The following NOL4 variants were observed in gnomAD, a reference collection of about 807,000 sequenced individuals.
NOL4 encodes nucleolar protein 4, also known as cancer/testis antigen 125.
A neutral mutation model predicts 75.9 loss-of-function variants in NOL4; 17 were observed. The observed-to-expected ratio is 0.22, with a 90% CI of 0.15 to 0.34. The LOEUF (loss-of-function observed/expected upper bound fraction) is 0.34, where lower values mean the gene tolerates loss of function less well. Ranked by LOEUF, NOL4 falls within the 10% of genes least tolerant of loss-of-function variation. The probability of loss-of-function intolerance (pLI) is 1.00; values close to 1 mark genes in which losing one functional copy is unlikely to be tolerated. For missense variants in NOL4, 614 were observed against 793.5 expected, an observed-to-expected ratio of 0.77 and a Z score of 2.72; for synonymous variants, 292 against 289.9, an observed-to-expected ratio of 1.01 and a Z score of -0.07.
chr18:34,177,780 TAAG>T (rs2146308723), intron 1 of NOL4, among the ~76,000 whole-genome samples: 1 of 151,878 alleles, frequency 6.6e-6, no homozygotes, highest in African/African-American at 2.4e-5. Flanking sequence ...TCTTCAAAAA[TAAG>T]GATAAATTAG....
intron 9 of NOL4, among the ~76,000 whole-genome samples, chr18:33,894,090 A>G (rs1279547871): frequency 6.6e-6 from 1 of 152,118 alleles, no homozygotes; most frequent in Non-Finnish European, 1.5e-5. Flanking sequence ...AATTTGTTTC[A>G]TATATAAACT....
chr18:33,887,050 AATATATATCTATATATAAT>A (rs1346458433), intron 9 of NOL4, among the ~76,000 whole-genome samples: 100 of 136,582 alleles, frequency 7.3e-4, no homozygotes, highest in African/African-American at 2.6e-3. Context: ...ATCTAGATCT[AATATATATCTATATATAAT>A]ATATATATCT....
intron 9 of NOL4, among the ~76,000 whole-genome samples, chr18:33,941,092 T>G (rs1435070187): frequency 6.6e-6 from 1 of 151,930 alleles, no homozygotes; most frequent in East Asian, 1.9e-4. Context: ...ATAACAAATA[T>G]ATCTTTAACA....
rs1325414560 is a variant in NOL4 at position 33,958,286 on chromosome 18, C to G, written c.1189G>C (p.Val397Leu). The change falls in exon 7 of 11, where the codon GTT (valine) becomes CTT (leucine). Residue 397 changes from valine (V) to leucine (L), a missense_variant. Transcript: ENST00000261592. ...GCTTCAACGCCGTCTGTCTCATTAACTTTCTCCGAATCGTCATGGTCCTCG... is the reference window on the plus strand; with the variant it reads ...GCTTCAACGCCGTCTGTCTCATTAAGTTTCTCCGAATCGTCATGGTCCTCG... ...DHEDHDDSEK[V>L]NETDGVEAER... 6.2e-7 allele frequency: 1 copy of G among 1,613,850 alleles called. No homozygotes were observed. Among genetic ancestry groups the G allele is most frequent in the South Asian group, 1.1e-5 (1 of 91,064 alleles).
intron 9 of NOL4, among the ~76,000 whole-genome samples, chr18:33,906,601 T>C (rs1304351578): frequency 3.3e-5 from 5 of 152,222 alleles, no homozygotes; most frequent in African/African-American, 1.2e-4. Context: ...GGGTGTTGTA[T>C]CTTCGGATAA....
At chr18:34,201,882 T>C (rs2035769213) in intron 1 of NOL4, among the ~76,000 whole-genome samples, 1 of 151,878 alleles carries the variant, frequency 6.6e-6, no homozygotes, top group South Asian at 2.1e-4. Context: ...CTGTTACTAA[T>C]GGTCTAGTCA....
At chr18:34,012,803 G>A (rs747414611) in intron 6 of NOL4, among the ~76,000 whole-genome samples, 18 of 151,978 alleles carry the variant, frequency 1.2e-4, no homozygotes, top group Non-Finnish European at 2.4e-4. Flanking sequence ...GCCATTGCAA[G>A]TATTTGCTAT....
intron 9 of NOL4, among the ~76,000 whole-genome samples, chr18:33,940,354 G>A (rs1273962626): frequency 1.3e-5 from 2 of 152,012 alleles, no homozygotes; most frequent in Admixed American, 6.6e-5. Context: ...TATACACCAT[G>A]GAATACTATG....
chr18:33,962,767 A>T (rs956091370), intron 6 of NOL4, among the ~76,000 whole-genome samples: 1 of 152,198 alleles, frequency 6.6e-6, no homozygotes, highest in African/African-American at 2.4e-5. Flanking sequence ...TTGAATGGCA[A>T]TGTGAAATAT....
chr18:33,957,301 G>A (rs748493578), intron 8 of NOL4, 25 bp downstream of exon 8: 13 of 1,589,824 alleles, frequency 8.2e-6, no homozygotes, highest in African/African-American at 4.0e-5. Flanking sequence ...TGGAGTCTAG[G>A]GCTGTGTTTT....
chr18:33,916,278 A>T (rs1471974502), intron 9 of NOL4, among the ~76,000 whole-genome samples: 1 of 152,138 alleles, frequency 6.6e-6, no homozygotes, highest in Non-Finnish European at 1.5e-5. Context: ...TTCATCTTGC[A>T]TATTCCAGAT....
chr18:34,223,331 G>A lies in NOL4; in HGVS notation c.-78C>T, dbSNP rs1157436923. On this transcript the variant is annotated 5_prime_UTR_variant, in exon 1 of 11. Transcript: ENST00000261592. ...TCACCCTAGGCTCATGAAAAATGCA[G>A]CCCCGGCCACGTTGCAGGGATGCGA... The A allele has an allele frequency of 6.5e-7, 1 of 1,545,612 alleles. No homozygotes were observed. Among genetic ancestry groups the A allele is most frequent in the Non-Finnish European group, 8.7e-7 (1 of 1,149,668 alleles).
chr18:33,909,468 C>G (rs145054385), intron 9 of NOL4, among the ~76,000 whole-genome samples: 15 of 152,070 alleles, frequency 9.9e-5, no homozygotes, highest in Admixed American at 9.2e-4. Context: ...GCATTATATC[C>G]GAAACTGTGC....
chr18:34,203,621 A>T (rs931853501), intron 1 of NOL4, among the ~76,000 whole-genome samples: 6 of 151,700 alleles, frequency 4.0e-5, no homozygotes, highest in African/African-American at 9.7e-5. Context: ...TCAATAAAAA[A>T]TTCAGTTCAA....
At position 34,084,992 on chromosome 18, in the gene NOL4, G is replaced by A. The variant is rs147976666; in HGVS notation, c.772+8473C>T. Among the ~76,000 whole-genome samples, 523 of 152,154 alleles carry A rather than the reference G, an allele frequency of 3.4e-3. 1 individual carries two copies. Among genetic ancestry groups the A allele is most frequent in the African/African-American group, 0.012 (490 of 41,512 alleles). On this transcript the variant is annotated intron_variant, in intron 5 of 10. Transcript: ENST00000261592. ...GAACACAGCATGGTGTTCAGTTTAC[G>A]GTAAGAGTTTATAAAGGCTAGCCAG... is the stretch of plus-strand genomic sequence containing the variant.
At chr18:34,219,380 C>T (rs959925167) in intron 1 of NOL4, among the ~76,000 whole-genome samples, 1 of 152,182 alleles carries the variant, frequency 6.6e-6, no homozygotes, top group East Asian at 1.9e-4. Context: ...ATGTTTTATA[C>T]AATGCAGAGG....
At chr18:34,173,013 T>C (rs1332579245) in intron 1 of NOL4, among the ~76,000 whole-genome samples, 1 of 152,118 alleles carries the variant, frequency 6.6e-6, no homozygotes, top group Non-Finnish European at 1.5e-5. Flanking sequence ...CAGTTTGATG[T>C]AGCCTGCCTT....
chr18:33,927,073 C>T (rs1465833119), intron 9 of NOL4, among the ~76,000 whole-genome samples: 2 of 152,102 alleles, frequency 1.3e-5, no homozygotes, highest in Admixed American at 6.5e-5. Context: ...GAGTTGGGAA[C>T]AAGAGACTAA....
intron 9 of NOL4, among the ~76,000 whole-genome samples, chr18:33,893,775 AT>A (rs1049316248): frequency 1.1e-4 from 16 of 152,216 alleles, no homozygotes; most frequent in African/African-American, 3.6e-4. Context: ...TGTACAAGGC[AT>A]TTTTGCATTA....
Sources: gnomAD v4.1 joint callset for allele counts (sites outside exome capture counted in the v4.1 genomes callset) on GRCh38, gnomAD v4.1.1 for gene constraint, MANE v1.5 for transcripts, NCBI Gene and HGNC (gene_info 2026-07-23, HGNC 2026-07-21) for gene names.